POU6F2: variants seen among roughly 807,000 people sequenced by gnomAD.
POU6F2 encodes POU domain, class 6, transcription factor 2.
In POU6F2, 31 loss-of-function variants were observed where a neutral mutation model predicts 71.3. The ratio of observed to expected loss-of-function variants is 0.43; its 90% CI spans 0.33 to 0.59. The LOEUF (loss-of-function observed/expected upper bound fraction) is 0.59. Ranked by LOEUF, POU6F2 falls within the 20% of genes least tolerant of loss-of-function variation. The pLI, the probability that POU6F2 is intolerant of heterozygous loss-of-function variation, is 0.04. For missense variants in POU6F2, 783 were observed against 856.8 expected (o/e 0.91, Z 1.07); for synonymous variants, 347 against 355.7 (o/e 0.98, Z 0.27).
chr7:39,439,266 T>A (rs1788330674), intron 7 of POU6F2, among the ~76,000 whole-genome samples: 1 of 152,076 alleles, frequency 6.6e-6, no homozygotes, highest in African/African-American at 2.4e-5. Context: ...GCACATGAGA[T>A]GGGTCTCCTG....
chr7:39,355,676 C>T (rs778379210), intron 5 of POU6F2, among the ~76,000 whole-genome samples: 2 of 152,158 alleles, frequency 1.3e-5, no homozygotes, highest in Non-Finnish European at 2.9e-5. Flanking sequence ...ACCCAGCCCC[C>T]CAGCCTTCGC....
At chr7:39,390,222 C>A (rs1787038644) in intron 5 of POU6F2, among the ~76,000 whole-genome samples, 1 of 152,098 alleles carries the variant, frequency 6.6e-6, no homozygotes, top group Non-Finnish European at 1.5e-5. Flanking sequence ...GTGATGAAAC[C>A]CCATCTCTAC....
chr7:39,154,726 A>G (rs1792832232), intron 2 of POU6F2, among the ~76,000 whole-genome samples: 1 of 151,990 alleles, frequency 6.6e-6, no homozygotes, highest in Non-Finnish European at 1.5e-5. Context: ...GCCAAGTTGA[A>G]AAAAAGATGA....
intron 6 of POU6F2, among the ~76,000 whole-genome samples, chr7:39,425,090 C>T (rs182351246): frequency 3.3e-5 from 5 of 152,188 alleles, no homozygotes; most frequent in Admixed American, 3.3e-4. Context: ...AACTAGGGTT[C>T]AGGCCATACT....
chr7:39,327,782 C>A (rs987780581), intron 4 of POU6F2, among the ~76,000 whole-genome samples: 2 of 151,158 alleles, frequency 1.3e-5, no homozygotes, highest in Non-Finnish European at 2.9e-5. Flanking sequence ...GACAGTGACA[C>A]CTTCAGGTTA....
At chr7:39,402,187 T>C (rs1471018534) in intron 5 of POU6F2, among the ~76,000 whole-genome samples, 3 of 152,218 alleles carry the variant, frequency 2.0e-5, no homozygotes, top group African/African-American at 7.2e-5. Flanking sequence ...CATGTGATAC[T>C]ATGTATGGTG....
chr7:39,464,565 G>A lies in POU6F2; in HGVS notation c.2042G>A (p.Arg681Lys). ...CTGAACTATGACCGAGAAGTAGTTA[G>A]AGTTTGGTTCTGCAATAAGAGGCAA... is the stretch of plus-strand genomic sequence containing the variant. ...EKLNYDREVV[R>K]VWFCNKRQAL... Residue 681 changes from arginine to lysine, a missense_variant, in exon 10 of 10, where the codon AGA (arginine) becomes AAA (lysine). This residue lies in a region of POU6F2 where 211 missense variants were observed against 283.9 expected (regional missense o/e 0.74). Transcript: ENST00000518318. The surrounding 1 kb of genome is among the most constrained non-coding windows in gnomAD (Gnocchi z 4.1). 6.2e-7 allele frequency: 1 copy of A among 1,612,976 alleles called. No individual in the cohort carries two copies. The highest frequency in any genetic ancestry group is 8.5e-7 in the Non-Finnish European group (1 of 1,179,476).
chr7:39,332,597 T>A (rs1299724396), intron 4 of POU6F2, among the ~76,000 whole-genome samples: 1 of 152,226 alleles, frequency 6.6e-6, no homozygotes, highest in African/African-American at 2.4e-5. Flanking sequence ...TAACTTTCTC[T>A]CAGAACTTTG....
At chr7:39,087,828 T>C (rs1791282975) in intron 2 of POU6F2, among the ~76,000 whole-genome samples, 1 of 152,184 alleles carries the variant, frequency 6.6e-6, no homozygotes, top group South Asian at 2.1e-4. Flanking sequence ...GGGTGATTGA[T>C]TTTTTTCATT....
chr7:38,989,475 T>C (rs1788545576), intron 1 of POU6F2, among the ~76,000 whole-genome samples: 1 of 152,032 alleles, frequency 6.6e-6, no homozygotes, highest in Non-Finnish European at 1.5e-5. Context: ...CATAATAGAA[T>C]AGATATTTGG....
chr7:39,183,839 C>T (rs1019431037), intron 2 of POU6F2, among the ~76,000 whole-genome samples: 3 of 152,130 alleles, frequency 2.0e-5, no homozygotes, highest in Admixed American at 2.0e-4. Context: ...ATTCGTTATC[C>T]ACAATAACAA....
Position 39,467,794 on chromosome 7 carries a change from G to T in POU6F2, c.*3108G>T, listed in dbSNP as rs992237050. Reference sequence around the variant, plus strand: ...AAAACAAAACAAAACAAGTAGAGGTGTATCAAAGAACTCAAGCTATAACCA... The same window carrying T: ...AAAACAAAACAAAACAAGTAGAGGTTTATCAAAGAACTCAAGCTATAACCA... On this transcript the variant is annotated 3_prime_UTR_variant, in exon 10 of 10. Transcript: ENST00000518318. The T allele has an allele frequency of 2.0e-5, 3 of 152,266 alleles. No homozygotes were observed. Among genetic ancestry groups the T allele is most frequent in the African/African-American group, 7.2e-5 (3 of 41,564 alleles). 9.4% of individuals were successfully genotyped at this position (152,266 alleles called of 1,614,324 possible).
intron 8 of POU6F2, among the ~76,000 whole-genome samples, chr7:39,457,582 A>G (rs1788833448): frequency 6.6e-6 from 1 of 152,200 alleles, no homozygotes; most frequent in African/African-American, 2.4e-5. Flanking sequence ...ACAATGGCAC[A>G]CAGAGTGCAC....
intron 1 of POU6F2, among the ~76,000 whole-genome samples, chr7:39,071,688 C>T (rs1790885260): frequency 6.8e-6 from 1 of 146,394 alleles, no homozygotes; most frequent in Admixed American, 6.7e-5. Flanking sequence ...CACACACACA[C>T]ACACACACAC....
At chr7:39,341,363 A>G (rs1231827130) in intron 5 of POU6F2, among the ~76,000 whole-genome samples, 1 of 152,114 alleles carries the variant, frequency 6.6e-6, no homozygotes, top group African/African-American at 2.4e-5. Flanking sequence ...TTCAAGATGT[A>G]TTTATACAAT....
At chr7:39,118,033 C>T (rs747511773) in intron 2 of POU6F2, among the ~76,000 whole-genome samples, 25 of 152,124 alleles carry the variant, frequency 1.6e-4, no homozygotes, top group Non-Finnish European at 8.8e-5. Flanking sequence ...CCCTGCTCAC[C>T]TTGTAGAATG....
At chr7:39,426,194 C>A (rs1787967059) in intron 6 of POU6F2, among the ~76,000 whole-genome samples, 3 of 152,146 alleles carry the variant, frequency 2.0e-5, no homozygotes, top group African/African-American at 2.4e-5. Flanking sequence ...AAGGAGAGAC[C>A]AGCGGATAAG....
At chr7:39,195,386 A>T (rs1793766115) in intron 2 of POU6F2, among the ~76,000 whole-genome samples, 3 of 152,182 alleles carry the variant, frequency 2.0e-5, no homozygotes, top group African/African-American at 7.2e-5. Flanking sequence ...ATTCTGTTGT[A>T]ACTCATGCTT....
At chr7:39,031,028 G>A (rs1054525525) in intron 1 of POU6F2, among the ~76,000 whole-genome samples, 1 of 152,008 alleles carries the variant, frequency 6.6e-6, no homozygotes, top group Non-Finnish European at 1.5e-5. Context: ...AGCCTCATGA[G>A]TAGCTGGGAT....
Sources: gnomAD v4.1 joint callset for allele counts (sites outside exome capture counted in the v4.1 genomes callset) on GRCh38, gnomAD v4.1.1 for gene constraint, gnomAD v4.1.1 regional missense constraint, Gnocchi (gnomAD v3.1) non-coding constraint, MANE v1.5 for transcripts, NCBI Gene and HGNC (gene_info 2026-07-23, HGNC 2026-07-21) for gene names.